Variants in CSMD1 observed in about 807,000 individuals in gnomAD.
CSMD1 encodes CUB and sushi domain-containing protein 1.
CSMD1 carries 213 observed loss-of-function variants against 417.5 expected under a neutral mutation model. The observed-to-expected ratio is 0.51, with a 90% confidence interval of 0.46 to 0.57. The LOEUF is 0.57. Among genes scored for constraint, CSMD1 ranks in the 20% least tolerant of loss-of-function variants. The probability of loss-of-function intolerance (pLI) is 0.00; values close to 1 mark genes in which losing one functional copy is unlikely to be tolerated. For missense variants in CSMD1, 6,923 were observed against 4,529.7 expected, an observed-to-expected ratio of 1.53 and a Z score of -15.17; for synonymous variants, 2,862 against 1,736.8, an observed-to-expected ratio of 1.65 and a Z score of -16.11.
chr8:3,585,019 G>C (rs780967400), intron 9 of CSMD1, among the ~76,000 whole-genome samples: 1 of 152,156 alleles, frequency 6.6e-6, no homozygotes, highest in African/African-American at 2.4e-5. Flanking sequence ...CTCTCCTGAA[G>C]GGTCTCCATT....
In CSMD1 at chr8:4,287,807, T is replaced by A. The variant is rs73500666; in HGVS notation, c.415+132146A>T. Among the ~76,000 whole-genome samples the A allele has an allele frequency of 2.4e-3, 372 of 151,964 alleles. 2 individuals carry two copies. Among genetic ancestry groups the A allele is most frequent in the African/African-American group, 8.7e-3 (360 of 41,484 alleles). ...GACTCATACTATCTCTCCTCCAACC[T>A]CTCTGTGGCCCACTGAATGCATTTA... On this transcript the variant is annotated intron_variant, in intron 3 of 69. Transcript: ENST00000635120.
At chr8:3,738,404 T>A (rs1434442945) in intron 6 of CSMD1, among the ~76,000 whole-genome samples, 1 of 152,232 alleles carries the variant, frequency 6.6e-6, no homozygotes, top group Non-Finnish European at 1.5e-5. Context: ...AAAATATGCA[T>A]GGTGGTTGTC....
intron 12 of CSMD1, among the ~76,000 whole-genome samples, chr8:3,455,456 G>A (rs995011941): frequency 6.6e-6 from 1 of 152,076 alleles, no homozygotes; most frequent in African/African-American, 2.4e-5. Flanking sequence ...TCTTCCTTTG[G>A]TCTTTGATGA....
At position 3,359,322 on chromosome 8, in the gene CSMD1, C is replaced by T; in HGVS notation, c.3134G>A (p.Cys1045Tyr). 6.2e-7 allele frequency: 1 copy of T among 1,613,222 alleles called. No individual in the cohort carries two copies. The highest frequency in any genetic ancestry group is 8.5e-7 in the Non-Finnish European group (1 of 1,179,704). The change falls in exon 21 of 70, where the codon TGT (cysteine) becomes TAT (tyrosine). Residue 1045 changes from cysteine to tyrosine, a missense_variant. Coordinates refer to ENST00000635120, the MANE Select transcript of CSMD1 (RefSeq NM_033225.6). ...ITFSEYDLEP[C>Y]DDPGVPAFSR... ...GAAGGCAGGGACTCCAGGATCATCA[C>T]ATGGCTCCAGGTCATATTCTGAGGC...
At position 4,109,570 on chromosome 8, in the gene CSMD1, A is replaced by G. The variant is rs1585331638; in HGVS notation, c.416-77471T>C. ...AAAATTGACCATCATTTCCCAGTCA[A>G]TGTCTGGAACTACGCAGGAGCATTT... On this transcript the variant is annotated intron_variant, in intron 3 of 69. Coordinates refer to ENST00000635120, the MANE Select transcript of CSMD1 (RefSeq NM_033225.6). Among the ~76,000 whole-genome samples, 4 of 152,156 alleles carry G rather than the reference A, an allele frequency of 2.6e-5. No homozygotes were observed. In the South Asian group the frequency reaches 8.3e-4, roughly 31 times the overall value.
chr8:4,470,470 C>A (rs185517859), intron 2 of CSMD1, among the ~76,000 whole-genome samples: 1 of 152,184 alleles, frequency 6.6e-6, no homozygotes, highest in African/African-American at 2.4e-5. Flanking sequence ...TGGTCGGCAG[C>A]TCAATGCTTA....
At chr8:3,329,490 G>C (rs1018243265) in intron 23 of CSMD1, among the ~76,000 whole-genome samples, 1 of 152,158 alleles carries the variant, frequency 6.6e-6, no homozygotes, top group African/African-American at 2.4e-5. Context: ...GCCACACACA[G>C]ACTACTGTTA....
intron 3 of CSMD1, among the ~76,000 whole-genome samples, chr8:4,128,614 G>A (rs767473273): frequency 6.6e-6 from 1 of 152,100 alleles, no homozygotes; most frequent in Non-Finnish European, 1.5e-5. Flanking sequence ...CAAAGCCCAT[G>A]CTTGCTTTTT....
intron 7 of CSMD1, among the ~76,000 whole-genome samples, chr8:3,636,937 CATT>C (rs1169005403): frequency 1.3e-5 from 2 of 152,076 alleles, no homozygotes; most frequent in Non-Finnish European, 2.9e-5. Flanking sequence ...GAATTAGTAT[CATT>C]ATTGAGATGA....
chr8:3,209,152 C>T (rs1163621853), intron 30 of CSMD1, among the ~76,000 whole-genome samples: 2 of 152,070 alleles, frequency 1.3e-5, no homozygotes, highest in Non-Finnish European at 2.9e-5. Context: ...CTTTTACTAC[C>T]TTGATAAATA....
intron 12 of CSMD1, among the ~76,000 whole-genome samples, chr8:3,446,660 A>C (rs1815326263): frequency 6.6e-6 from 1 of 152,194 alleles, no homozygotes; most frequent in African/African-American, 2.4e-5. Flanking sequence ...GTTAGGAAAA[A>C]AATCTGGTAA....
chr8:3,383,384 C>G (rs531848103), intron 18 of CSMD1, among the ~76,000 whole-genome samples: 12 of 151,986 alleles, frequency 7.9e-5, no homozygotes, highest in East Asian at 7.8e-4. Flanking sequence ...CTAGGAAAAC[C>G]TCATGCATGG....
intron 26 of CSMD1, among the ~76,000 whole-genome samples, chr8:3,256,303 T>A (rs1278500593): frequency 4.3e-5 from 3 of 70,094 alleles, no homozygotes; most frequent in East Asian, 2.8e-4. Flanking sequence ...CAAGACTAAG[T>A]CTCAAGAAAA....
intron 1 of CSMD1, among the ~76,000 whole-genome samples, chr8:4,782,227 C>G (rs1279705513): frequency 6.6e-6 from 1 of 152,104 alleles, no homozygotes; most frequent in Non-Finnish European, 1.5e-5. Flanking sequence ...TAATGTATAT[C>G]TCAAAATAGC....
intron 26 of CSMD1, among the ~76,000 whole-genome samples, chr8:3,274,858 C>T (rs1035684310): frequency 1.3e-5 from 2 of 152,280 alleles, no homozygotes; most frequent in East Asian, 3.9e-4. Flanking sequence ...ATAGTGCACA[C>T]TGATGGGTCT....
chr8:3,308,999 C>T (rs1373613668), intron 23 of CSMD1, among the ~76,000 whole-genome samples: 1 of 152,122 alleles, frequency 6.6e-6, no homozygotes, highest in African/African-American at 2.4e-5. Flanking sequence ...GCTGGGATTA[C>T]AGGCGTGAGC....
intron 1 of CSMD1, among the ~76,000 whole-genome samples, chr8:4,756,963 T>A (rs1011230196): frequency 2.0e-5 from 3 of 152,252 alleles, no homozygotes; most frequent in African/African-American, 7.2e-5. Flanking sequence ...TTCAAACACA[T>A]AAGCTGGTGA....
At chr8:4,726,096 C>T (rs1437157512) in intron 1 of CSMD1, among the ~76,000 whole-genome samples, 1 of 152,088 alleles carries the variant, frequency 6.6e-6, no homozygotes, top group Non-Finnish European at 1.5e-5. Context: ...ATACACAGAA[C>T]GCACATATAA....
chr8:4,561,619 C>T (rs1162231612), intron 2 of CSMD1, among the ~76,000 whole-genome samples: 1 of 152,058 alleles, frequency 6.6e-6, no homozygotes, highest in Non-Finnish European at 1.5e-5. Flanking sequence ...GAGATTGAGG[C>T]CGCAGTGAGC....
Sources: gnomAD v4.1 joint callset for allele counts (sites outside exome capture counted in the v4.1 genomes callset) on GRCh38, gnomAD v4.1.1 for gene constraint, MANE v1.5 for transcripts, NCBI Gene and HGNC (gene_info 2026-07-23, HGNC 2026-07-21) for gene names.